The following CDH13 variants were observed in gnomAD, a reference collection of about 807,000 sequenced individuals.
The protein encoded by CDH13 is cadherin-13.
CDH13 carries 24 observed loss-of-function variants against 63.8 expected under a neutral mutation model. The observed-to-expected ratio is 0.38, with a 90% CI of 0.27 to 0.53. The LOEUF (loss-of-function observed/expected upper bound fraction) is 0.53, where lower values mean the gene tolerates loss of function less well. CDH13 is among the 20% of genes least tolerant of loss of function. The probability of loss-of-function intolerance (pLI) is 0.85; values close to 1 mark genes in which losing one functional copy is unlikely to be tolerated. For missense variants in CDH13, 1,049 were observed against 903.1 expected, an observed-to-expected ratio of 1.16 and a Z score of -2.07; for synonymous variants, 503 against 355.3, an observed-to-expected ratio of 1.42 and a Z score of -4.67.
chr16:82,710,329 C>T (rs1423266061), intron 1 of CDH13, among the ~76,000 whole-genome samples: 4 of 143,956 alleles, frequency 2.8e-5, no homozygotes, highest in Non-Finnish European at 6.1e-5. Flanking sequence ...GTCAGGAGAT[C>T]GAGACCATCG....
intron 3 of CDH13, among the ~76,000 whole-genome samples, chr16:83,080,786 G>A (rs1331441232): frequency 6.6e-6 from 1 of 151,482 alleles, no homozygotes; most frequent in Non-Finnish European, 1.5e-5. Context: ...AATAGTATGG[G>A]AATCTTGGCA....
At chr16:83,205,603 CTTTTTT>C (rs141688507) in intron 4 of CDH13, among the ~76,000 whole-genome samples, 4 of 104,426 alleles carry the variant, frequency 3.8e-5, no homozygotes, top group Non-Finnish European at 5.9e-5. Flanking sequence ...AGAGGAAAAC[CTTTTTT>C]TTTTTTTTTT....
chr16:83,666,694 T>A (rs530053741), intron 8 of CDH13, among the ~76,000 whole-genome samples: 1 of 152,336 alleles, frequency 6.6e-6, no homozygotes, highest in Admixed American at 6.5e-5. Flanking sequence ...GCCTTTGCTC[T>A]TCCTCTTTCA....
Position 82,632,189 on chromosome 16 carries a change from C to G in CDH13, c.45+5052C>G, listed in dbSNP as rs536969529. ...TTGCCATAATCGTCACCACTCTCTA[C>G]TACCCAGCCTTCTGTGCTCACTAAT... On this transcript the variant is annotated intron_variant, in intron 1 of 13. Coordinates refer to ENST00000567109, the MANE Select transcript of CDH13 (RefSeq NM_001257.5). Among the ~76,000 whole-genome samples, 17 of 152,298 alleles carry G rather than the reference C, an allele frequency of 1.1e-4. No individual in the cohort carries two copies. The South Asian group carries it at 3.5e-3, about 32-fold the overall frequency.
rs369064721 is a variant in CDH13, at chr16:83,783,307, C to G, written c.1969C>G (p.Leu657Val). The change falls in exon 13 of 14, where the codon CTG becomes GTG. Residue 657 changes from leucine (L) to valine (V), a missense_variant. By Grantham distance (32) the Leu-to-Val change is conservative (BLOSUM62 1). Transcript: ENST00000567109. ...AAATCTGAACAAAGCAAACTACAACCTGCCCATCATGGTGACAGATTCAGG... is the reference window on the plus strand; with the variant it reads ...AAATCTGAACAAAGCAAACTACAACGTGCCCATCATGGTGACAGATTCAGG... Reference protein sequence around the residue: ...LQNLNKANYNLPIMVTDSGKP... With the variant: ...LQNLNKANYNVPIMVTDSGKP... 6.2e-7 allele frequency: 1 copy of G among 1,614,000 alleles called. No homozygotes were observed. The highest frequency in any genetic ancestry group is 1.7e-5 in the Admixed American group (1 of 60,026).
At chr16:83,054,437 A>G (rs902724870) in intron 3 of CDH13, among the ~76,000 whole-genome samples, 15 of 152,250 alleles carry the variant, frequency 9.9e-5, no homozygotes, top group African/African-American at 3.1e-4. Flanking sequence ...AGCAGTTGAC[A>G]TAACTACACA....
chr16:82,894,170 G>C (rs1245918855), intron 2 of CDH13, among the ~76,000 whole-genome samples: 1 of 152,058 alleles, frequency 6.6e-6, no homozygotes, highest in Non-Finnish European at 1.5e-5. Flanking sequence ...CTCCAGGCTG[G>C]TCTCGAACTC....
chr16:83,445,759 A>T (rs545152144), intron 6 of CDH13, among the ~76,000 whole-genome samples: 1 of 152,210 alleles, frequency 6.6e-6, no homozygotes, highest in African/African-American at 2.4e-5. Flanking sequence ...TCTGATAAGC[A>T]TCTAAAACTT....
intron 7 of CDH13, among the ~76,000 whole-genome samples, chr16:83,515,031 AG>A (rs977798489): frequency 6.6e-6 from 1 of 151,934 alleles, no homozygotes; most frequent in African/African-American, 2.4e-5. Flanking sequence ...CAGCTTTTGG[AG>A]GTTTAGGGTC....
At chr16:83,192,356 A>C (rs2038746104) in intron 4 of CDH13, among the ~76,000 whole-genome samples, 1 of 152,216 alleles carries the variant, frequency 6.6e-6, no homozygotes, top group Non-Finnish European at 1.5e-5. Context: ...GGGTAGATGC[A>C]GAATAAAGGG....
At chr16:83,409,682 A>G (rs909904880) in intron 6 of CDH13, among the ~76,000 whole-genome samples, 27 of 152,354 alleles carry the variant, frequency 1.8e-4, no homozygotes, top group African/African-American at 6.0e-4. Context: ...GGCATCTCCC[A>G]CACATGAAAC....
chr16:83,108,987 C>T (rs1597352346), intron 3 of CDH13, among the ~76,000 whole-genome samples: 1 of 152,284 alleles, frequency 6.6e-6, no homozygotes, highest in African/African-American at 2.4e-5. Flanking sequence ...CCTCATTCTC[C>T]TGCCCACATT....
intron 10 of CDH13, chr16:83,721,831 A>G (rs1598582393): frequency 6.6e-6 from 1 of 152,370 alleles, no homozygotes; most frequent in Middle Eastern, 3.4e-3. Flanking sequence ...AGATCGTTGC[A>G]TCTAAGTGGA....
intron 5 of CDH13, among the ~76,000 whole-genome samples, chr16:83,271,093 C>G (rs919025832): frequency 2.0e-5 from 3 of 151,934 alleles, no homozygotes; most frequent in African/African-American, 7.3e-5. Context: ...GCCCACTCAG[C>G]ATATAAAATC....
chr16:83,305,365 A>T (rs939288256), intron 5 of CDH13, among the ~76,000 whole-genome samples: 1 of 152,246 alleles, frequency 6.6e-6, no homozygotes, highest in African/African-American at 2.4e-5. Flanking sequence ...TGTTGACCAC[A>T]GAAAGCATCC....
intron 1 of CDH13, among the ~76,000 whole-genome samples, chr16:82,668,758 C>G (rs552910139): frequency 2.0e-5 from 3 of 152,156 alleles, no homozygotes; most frequent in Admixed American, 6.5e-5. Context: ...CTGGAATGCT[C>G]TAAGTTGTGT....
chr16:83,368,336 T>G (rs925632943), intron 6 of CDH13, among the ~76,000 whole-genome samples: 1 of 152,208 alleles, frequency 6.6e-6, no homozygotes, highest in African/African-American at 2.4e-5. Flanking sequence ...CCTCATCTAT[T>G]TGAGCTTACC....
intron 4 of CDH13, among the ~76,000 whole-genome samples, chr16:83,207,012 C>A (rs2039202249): frequency 6.6e-6 from 1 of 152,142 alleles, no homozygotes; most frequent in South Asian, 2.1e-4. Context: ...AACATAAAAG[C>A]AAGGACATAG....
chr16:83,332,733 G>A (rs1317976415), intron 5 of CDH13, among the ~76,000 whole-genome samples: 1 of 152,090 alleles, frequency 6.6e-6, no homozygotes, highest in African/African-American at 2.4e-5. Flanking sequence ...TTGAGGCAGA[G>A]GATATTCACT....
Sources: allele counts gnomAD v4.1 joint callset (sites outside exome capture counted in the v4.1 genomes callset), GRCh38; gene constraint gnomAD v4.1.1; transcripts MANE v1.5; gene names NCBI Gene and HGNC (gene_info 2026-07-23, HGNC 2026-07-21).